The following COX10 variants were observed in gnomAD, a reference collection of about 807,000 sequenced individuals.
COX10 encodes protoheme IX farnesyltransferase, mitochondrial.
In COX10, 27 loss-of-function variants were observed where a neutral mutation model predicts 37.3. The observed-to-expected ratio is 0.72, with a 90% CI of 0.53 to 1.00. COX10 has a LOEUF of 1.00. Ranked by LOEUF, COX10 falls within the 50% of genes least tolerant of loss-of-function variation. The pLI, the probability that COX10 is intolerant of heterozygous loss-of-function variation, is 0.00. For synonymous variants in COX10, 222 were observed against 229.1 expected, an observed-to-expected ratio of 0.97 and a Z score of 0.28; for missense variants, 475 against 563.2, an observed-to-expected ratio of 0.84 and a Z score of 1.59.
intron 4 of COX10, among the ~76,000 whole-genome samples, chr17:14,159,526 G>T (rs906714866): frequency 6.6e-6 from 1 of 152,164 alleles, no homozygotes; most frequent in Non-Finnish European, 1.5e-5. Flanking sequence ...GTTCTGGAGG[G>T]CCTACTGCGG....
chr17:14,187,851 G>A (rs1053176568), intron 5 of COX10, among the ~76,000 whole-genome samples: 9 of 152,182 alleles, frequency 5.9e-5, no homozygotes, highest in South Asian at 2.1e-4. Flanking sequence ...CTTCATTTTC[G>A]TTTGCATGGC....
intron 4 of COX10, among the ~76,000 whole-genome samples, chr17:14,122,207 G>T (rs1212929450): frequency 1.3e-5 from 2 of 152,076 alleles, no homozygotes; most frequent in African/African-American, 4.8e-5. Context: ...GGGGAAAAAA[G>T]GGCCTTCATT....
At chr17:14,098,241 G>A (rs930898345) in intron 3 of COX10, among the ~76,000 whole-genome samples, 1 of 152,196 alleles carries the variant, frequency 6.6e-6, no homozygotes, top group Admixed American at 6.6e-5. Context: ...ACTCTATGGA[G>A]AGAAGCAGTT....
intron 4 of COX10, among the ~76,000 whole-genome samples, chr17:14,134,985 T>C (rs995979562): frequency 1.3e-5 from 2 of 151,858 alleles, no homozygotes; most frequent in Middle Eastern, 3.4e-3. Flanking sequence ...GGCCAAAGCA[T>C]AGCACTATTT....
intron 4 of COX10, among the ~76,000 whole-genome samples, chr17:14,106,931 T>C (rs1285751065): frequency 6.6e-6 from 1 of 152,210 alleles, no homozygotes; most frequent in East Asian, 1.9e-4. Flanking sequence ...AGTGCAGATG[T>C]TTCATGTTTT....
In COX10 at chr17:14,095,553, G is replaced by A. The variant is rs566884141; in HGVS notation, c.500-6565G>A. 2.6e-5 allele frequency among the ~76,000 whole-genome samples: 4 copies of A among 152,230 alleles called. No individual in the cohort carries two copies. The South Asian group carries it at 6.2e-4, about 24-fold the overall frequency. ...CATATTAATTTTCTATTGCAGTGAAGCACATTACCACAAATTTAGCAGCTT... is the reference window on the plus strand; with the variant it reads ...CATATTAATTTTCTATTGCAGTGAAACACATTACCACAAATTTAGCAGCTT... On this transcript the variant is annotated intron_variant, in intron 3 of 6. Coordinates refer to ENST00000261643, the MANE Select transcript of COX10 (RefSeq NM_001303.4).
intron 4 of COX10, among the ~76,000 whole-genome samples, chr17:14,106,630 T>G (rs900393418): frequency 5.3e-5 from 8 of 152,224 alleles, no homozygotes; most frequent in Admixed American, 1.3e-4. Flanking sequence ...TGTCAGTGTG[T>G]TAAAGTGCTC....
chr17:14,121,372 C>G (rs975028900), intron 4 of COX10, among the ~76,000 whole-genome samples: 1 of 152,166 alleles, frequency 6.6e-6, no homozygotes, highest in Non-Finnish European at 1.5e-5. Context: ...TCTTAATATC[C>G]TACGCTGTTG....
chr17:14,136,059 C>A (rs1212734270), intron 4 of COX10, among the ~76,000 whole-genome samples: 1 of 151,744 alleles, frequency 6.6e-6, no homozygotes, highest in Non-Finnish European at 1.5e-5. Flanking sequence ...TCAAACAAAA[C>A]AAAGAAAATG....
intron 2 of COX10, among the ~76,000 whole-genome samples, chr17:14,075,407 G>C (rs971765026): frequency 6.6e-6 from 1 of 152,112 alleles, no homozygotes; most frequent in Non-Finnish European, 1.5e-5. Context: ...CTAGTTATCA[G>C]CATAGGTGGC....
At chr17:14,139,836 C>CT (rs1567600062) in intron 4 of COX10, among the ~76,000 whole-genome samples, 1 of 152,030 alleles carries the variant, frequency 6.6e-6, no homozygotes, top group Non-Finnish European at 1.5e-5. Flanking sequence ...TTAGAATGTG[C>CT]TATAATAGTA....
intron 4 of COX10, among the ~76,000 whole-genome samples, chr17:14,159,074 CA>C (rs1905116650): frequency 1.3e-5 from 2 of 152,220 alleles, no homozygotes; most frequent in Middle Eastern, 3.4e-3. Context: ...AACTGTACTT[CA>C]TTGTTAGGAT....
chr17:14,131,151 A>C (rs1916455379), intron 4 of COX10, among the ~76,000 whole-genome samples: 3 of 152,158 alleles, frequency 2.0e-5, no homozygotes, highest in African/African-American at 7.2e-5. Flanking sequence ...GACATCATAA[A>C]AGGGCAGCTT....
At chr17:14,204,707 A>G (rs905447367) in intron 6 of COX10, among the ~76,000 whole-genome samples, 3 of 152,006 alleles carry the variant, frequency 2.0e-5, no homozygotes, top group East Asian at 1.9e-4. Context: ...CCCTACACAC[A>G]TAGGTGCACA....
chr17:14,071,887 G>A (rs1228306687), intron 1 of COX10, among the ~76,000 whole-genome samples: 1 of 151,888 alleles, frequency 6.6e-6, no homozygotes. Flanking sequence ...GTGACAGAGT[G>A]AGACTCCATC....
chr17:14,098,371 G>A (rs1028153642), intron 3 of COX10, among the ~76,000 whole-genome samples: 3 of 152,090 alleles, frequency 2.0e-5, no homozygotes, highest in African/African-American at 4.8e-5. Flanking sequence ...GAGGCAGCCT[G>A]GATGTTAAGG....
rs773610674 is a variant in COX10 at position 14,069,592 on chromosome 17, C to G, written c.-14C>G. 6.2e-7 allele frequency: 1 copy of G among 1,614,028 alleles called. No individual in the cohort carries two copies. The highest frequency in any genetic ancestry group is 8.5e-7 in the Non-Finnish European group (1 of 1,179,990). On this transcript the variant is annotated 5_prime_UTR_variant, in exon 1 of 7. Coordinates refer to ENST00000261643, the MANE Select transcript of COX10 (RefSeq NM_001303.4). ...ACACAGGGATCCCGGGGAGCGGCCC[C>G]AGACTCGTAAATTATGGCCGCATCT...
chr17:14,082,964 G>A (rs766522223), intron 3 of COX10, among the ~76,000 whole-genome samples: 2 of 152,172 alleles, frequency 1.3e-5, no homozygotes, highest in Non-Finnish European at 2.9e-5. Flanking sequence ...GTCCCAGACC[G>A]AGTGGTCTGA....
intron 5 of COX10, among the ~76,000 whole-genome samples, chr17:14,187,465 T>C (rs1906067890): frequency 1.3e-5 from 2 of 152,190 alleles, no homozygotes. Flanking sequence ...TTAAGATATA[T>C]TGAAATAAAT....
Sources: allele counts gnomAD v4.1 joint callset (sites outside exome capture counted in the v4.1 genomes callset), GRCh38; gene constraint gnomAD v4.1.1; transcripts MANE v1.5; gene names NCBI Gene and HGNC (gene_info 2026-07-23, HGNC 2026-07-21).